Variants in RBFOX3 observed in about 807,000 individuals in gnomAD.
RBFOX3 encodes RNA binding protein fox-1 homolog 3.
In RBFOX3, 17 loss-of-function variants were observed where a neutral mutation model predicts 48.7. The observed-to-expected ratio is 0.35, with a 90% CI of 0.24 to 0.52. The LOEUF (loss-of-function observed/expected upper bound fraction) is 0.52, where lower values mean the gene tolerates loss of function less well. Ranked by LOEUF, RBFOX3 falls within the 20% of genes least tolerant of loss-of-function variation. RBFOX3 has a pLI of 0.94. For synonymous variants in RBFOX3, 212 were observed against 209.5 expected (o/e 1.01, Z -0.10); for missense variants, 382 against 497.5 (o/e 0.77, Z 2.21).
chr17:79,526,702 C>T (rs1341928814), intron 1 of RBFOX3, among the ~76,000 whole-genome samples: 3 of 152,218 alleles, frequency 2.0e-5, no homozygotes, highest in East Asian at 1.9e-4. Flanking sequence ...CACTCAATTC[C>T]GTTGCCCTGG....
intron 2 of RBFOX3, among the ~76,000 whole-genome samples, chr17:79,466,078 G>A (rs2076279544): frequency 6.6e-6 from 1 of 152,202 alleles, no homozygotes; most frequent in Non-Finnish European, 1.5e-5. Context: ...TGCATGTGTG[G>A]AGACACCTGG....
At chr17:79,656,207 G>A in the RBFOX3 span, among the ~76,000 whole-genome samples, 14 of 152,202 alleles carry the variant, frequency 9.2e-5, no homozygotes, top group African/African-American at 3.1e-4. Flanking sequence ...AGGTGAATCT[G>A]TTCTGCATTT....
the RBFOX3 span, among the ~76,000 whole-genome samples, chr17:79,637,392 CAT>C: frequency 2.6e-5 from 4 of 152,088 alleles, no homozygotes; most frequent in Non-Finnish European, 4.4e-5. Flanking sequence ...GGATAGATCA[CAT>C]GTTAGGTCAC....
the RBFOX3 span, among the ~76,000 whole-genome samples, chr17:79,626,292 T>G: frequency 2.0e-5 from 3 of 152,012 alleles, no homozygotes; most frequent in Non-Finnish European, 4.4e-5. Context: ...TCCCATTCCG[T>G]CCACAGCAGT....
intron 5 of RBFOX3, among the ~76,000 whole-genome samples, chr17:79,114,530 G>C (rs1048935696): frequency 6.6e-6 from 1 of 152,228 alleles, no homozygotes; most frequent in Non-Finnish European, 1.5e-5. Context: ...TGCACCGGGG[G>C]AAGGCTCCTA....
At chr17:79,197,144 TC>T (rs2055764299) in intron 4 of RBFOX3, among the ~76,000 whole-genome samples, 1 of 143,522 alleles carries the variant, frequency 7.0e-6, no homozygotes, top group Admixed American at 7.0e-5. Context: ...GTGCACCAGT[TC>T]CTGTGAGCTG....
At chr17:79,538,051 C>A (rs190030103) in intron 1 of RBFOX3, among the ~76,000 whole-genome samples, 4 of 152,202 alleles carry the variant, frequency 2.6e-5, no homozygotes, top group Non-Finnish European at 5.9e-5. Context: ...CTCTGGAGCC[C>A]AGCACAGGGG....
At chr17:79,210,130 A>T (rs2058174467) in intron 4 of RBFOX3, among the ~76,000 whole-genome samples, 2 of 152,148 alleles carry the variant, frequency 1.3e-5, no homozygotes. Context: ...CTGGAGCCCG[A>T]GGGAAGAGTG....
At chr17:79,141,571 G>A (rs1468116697) in intron 4 of RBFOX3, among the ~76,000 whole-genome samples, 4 of 152,152 alleles carry the variant, frequency 2.6e-5, no homozygotes, top group Non-Finnish European at 4.4e-5. Context: ...GTTGGGGTGG[G>A]GCTGGGTCTC....
chr17:79,294,326 T>C (rs1235291954), intron 3 of RBFOX3, among the ~76,000 whole-genome samples: 1 of 152,152 alleles, frequency 6.6e-6, no homozygotes, highest in African/African-American at 2.4e-5. Flanking sequence ...TGCTTTTTTT[T>C]TGTGGATGGA....
intron 2 of RBFOX3, among the ~76,000 whole-genome samples, chr17:79,379,771 G>A (rs1427018451): frequency 2.0e-5 from 3 of 152,042 alleles, no homozygotes; most frequent in Admixed American, 1.3e-4. Context: ...GGTCCAGATC[G>A]GACTCCAGGG....
At chr17:79,259,478 C>G (rs1160481100) in intron 3 of RBFOX3, among the ~76,000 whole-genome samples, 1 of 152,214 alleles carries the variant, frequency 6.6e-6, no homozygotes, top group Non-Finnish European at 1.5e-5. Context: ...GAGAAGAGCT[C>G]TCCTGTGTTC....
At chr17:79,509,478 C>T (rs1383385957) in intron 1 of RBFOX3, among the ~76,000 whole-genome samples, 2 of 152,188 alleles carry the variant, frequency 1.3e-5, no homozygotes, top group Middle Eastern at 3.4e-3. Context: ...AGCTTGGAAA[C>T]TGACCGATGC....
intron 3 of RBFOX3, among the ~76,000 whole-genome samples, chr17:79,291,931 C>T (rs933509448): frequency 3.9e-5 from 6 of 152,120 alleles, no homozygotes; most frequent in Admixed American, 2.6e-4. Context: ...CCTTGAATTT[C>T]ACAACGCCCA....
intron 4 of RBFOX3, among the ~76,000 whole-genome samples, chr17:79,163,767 C>T (rs1363266276): frequency 3.3e-5 from 5 of 152,148 alleles, no homozygotes; most frequent in Non-Finnish European, 5.9e-5. Context: ...CCCTCAGGCA[C>T]CTGGGACCGC....
chr17:79,544,233 C>T (rs560192274), intron 1 of RBFOX3, among the ~76,000 whole-genome samples: 2 of 152,288 alleles, frequency 1.3e-5, no homozygotes, highest in African/African-American at 4.8e-5. Flanking sequence ...TGTGTGTTTT[C>T]TTCCAGCCTT....
At chr17:79,444,331 C>T (rs559432382) in intron 2 of RBFOX3, among the ~76,000 whole-genome samples, 43 of 152,204 alleles carry the variant, frequency 2.8e-4, no homozygotes, top group African/African-American at 1.0e-3. Flanking sequence ...GCGTCTGGCT[C>T]AGGTCCACTC....
chr17:79,197,386 TTC>T (rs1243492126), intron 4 of RBFOX3, among the ~76,000 whole-genome samples: 2 of 99,522 alleles, frequency 2.0e-5, no homozygotes, highest in Admixed American at 3.1e-4. Context: ...CTTTCTTTCT[TTC>T]TTTTTTTTTT....
At chr17:79,135,680 G>A (rs1194302510) in intron 4 of RBFOX3, among the ~76,000 whole-genome samples, 1 of 152,156 alleles carries the variant, frequency 6.6e-6, no homozygotes, top group African/African-American at 2.4e-5. Context: ...ACCATTCCTT[G>A]CCAACCTTTC....
Sources: allele counts gnomAD v4.1 joint callset (sites outside exome capture counted in the v4.1 genomes callset), GRCh38; gene constraint gnomAD v4.1.1; transcripts MANE v1.5; gene names NCBI Gene and HGNC (gene_info 2026-07-23, HGNC 2026-07-21).